The following TARBP1 variants were observed in gnomAD, a reference collection of about 807,000 sequenced individuals.
TARBP1 encodes the protein tRNA guanosine 2 -O-methyltransferase TARBP1, also known as tRNA (guanosine(18)-2'-O)-methyltransferase TARBP1.
Under a neutral mutation model 178.6 loss-of-function variants are expected in TARBP1, and 144 were observed. The ratio of observed to expected loss-of-function variants is 0.81; its 90% CI spans 0.70 to 0.93. The LOEUF is 0.93. TARBP1 is among the 40% of genes least tolerant of loss of function. The pLI is 0.00. For missense variants in TARBP1, 2,067 were observed against 2,011.7 expected (o/e 1.03, Z -0.53); for synonymous variants, 787 against 781.0 (o/e 1.01, Z -0.13).
At chr1:234,467,328 T>C (rs1479829560) in intron 4 of TARBP1, among the ~76,000 whole-genome samples, 174 bp downstream of exon 4, 1 of 152,234 alleles carries the variant, frequency 6.6e-6, no homozygotes, top group Admixed American at 6.5e-5. Context: ...GTTCTACCGT[T>C]GGGCTTGTTG....
intron 20 of TARBP1, among the ~76,000 whole-genome samples, chr1:234,422,455 C>T (rs1029277788): frequency 2.0e-5 from 3 of 152,140 alleles, no homozygotes; most frequent in Non-Finnish European, 4.4e-5. Flanking sequence ...AACTGGAGGT[C>T]ATTATGTTCA....
Position 234,478,344 on chromosome 1 carries a change from C to G in TARBP1, c.760G>C (p.Glu254Gln). ...PGGDRARGAR[E>Q]AGPDARRCWR... Reference sequence around the variant, plus strand: ...CAGCGCCGGGCGTCCGGGCCCGCCTCGCGCGCGCCGCGGGCGCGGTCGCCG... The same window carrying G: ...CAGCGCCGGGCGTCCGGGCCCGCCTGGCGCGCGCCGCGGGCGCGGTCGCCG... The change falls in exon 1 of 30, where the codon GAG becomes CAG. Residue 254 changes from glutamate to glutamine, a missense_variant. By Grantham distance (29) the Glu-to-Gln change is conservative. Transcript: ENST00000040877. 3.1e-6 allele frequency: 4 copies of G among 1,275,472 alleles called. No individual in the cohort carries two copies. The highest frequency in any genetic ancestry group is 2.8e-5 in the South Asian group (1 of 35,530). 79.0% of individuals were successfully genotyped at this position (1,275,472 alleles called of 1,614,324 possible). A position where few individuals can be genotyped will look rare whatever the true frequency, so the allele number is the denominator to read the frequency against.
intron 12 of TARBP1, among the ~76,000 whole-genome samples, chr1:234,440,758 T>C (rs1665508688): frequency 1.3e-5 from 2 of 151,914 alleles, no homozygotes; most frequent in Admixed American, 6.6e-5. Context: ...CAGTTAAAAA[T>C]TGAAATTTTA....
In TARBP1 at chr1:234,429,320, A is replaced by G. The variant is rs772127436; in HGVS notation, c.2876T>C (p.Leu959Pro). 22 of 1,570,906 alleles carry G rather than the reference A, an allele frequency of 1.4e-5. No homozygotes were observed. The highest frequency in any genetic ancestry group is 1.9e-5 in the Non-Finnish European group (22 of 1,166,626). ...HCLKVLVPKL[L>P]TSSESLCIES... ...TATGCAGAGTGATTCAGAGGAAGTC[A>G]GAAGCTGGTAGGAAAAAAAAAAATA... Residue 959 changes from leucine (L) to proline (P), a missense_variant, in exon 17 of 30, where the codon CTG (leucine) becomes CCG (proline). Physicochemically the swap from Leu to Pro is moderately conservative, Grantham distance 98. Coordinates refer to ENST00000040877, the MANE Select transcript of TARBP1 (RefSeq NM_005646.4).
intron 28 of TARBP1, chr1:234,392,778 T>G: frequency 3.7e-6 from 1 of 267,668 alleles, no homozygotes; most frequent in Non-Finnish European, 7.0e-6. Context: ...TGGCGCGATC[T>G]TGGCTCACTG....
chr1:234,460,396 C>T lies in TARBP1; in HGVS notation c.1400G>A (p.Ser467Asn). The change falls in exon 7 of 30, where the codon AGT (serine) becomes AAT (asparagine). Residue 467 changes from serine to asparagine, a missense_variant and splice_region_variant. Physicochemically the swap from Ser to Asn is conservative, Grantham distance 46. Transcript: ENST00000040877. ...YISLLPEEIK[S>N]SFLLKFIRKM... ...CCGAATAAACTTCAATAGGAAGCTACCTGAAAGAAAAAGTTTTAAATTATC... is the reference window on the plus strand; with the variant it reads ...CCGAATAAACTTCAATAGGAAGCTATCTGAAAGAAAAAGTTTTAAATTATC... 3.1e-6 allele frequency: 5 copies of T among 1,613,030 alleles called. 1 individual carries two copies. Among genetic ancestry groups the T allele is most frequent in the East Asian group, 2.2e-5 (1 of 44,840 alleles).
At chr1:234,454,976 T>C (rs538521827) in intron 9 of TARBP1, among the ~76,000 whole-genome samples, 1 of 152,162 alleles carries the variant, frequency 6.6e-6, no homozygotes, top group East Asian at 1.9e-4. Flanking sequence ...AAGAGAAGAA[T>C]GTGATATGAA....
intron 3 of TARBP1, among the ~76,000 whole-genome samples, chr1:234,468,741 A>ATC (rs766341702): frequency 1.3e-5 from 2 of 151,766 alleles, no homozygotes; most frequent in Non-Finnish European, 1.5e-5. Context: ...CCCACTCCAC[A>ATC]CACCAACTCT....
chr1:234,404,049 T>C (rs1485944480), intron 24 of TARBP1, among the ~76,000 whole-genome samples: 3 of 152,204 alleles, frequency 2.0e-5, no homozygotes, highest in African/African-American at 4.8e-5. Flanking sequence ...TAAAGTTATT[T>C]TTTAAAAGTG....
chr1:234,439,299 C>G (rs1665355920), intron 12 of TARBP1, among the ~76,000 whole-genome samples: 1 of 152,104 alleles, frequency 6.6e-6, no homozygotes, highest in Admixed American at 6.5e-5. Context: ...GTCTTGTAGG[C>G]TTTTCAACAA....
At position 234,477,590 on chromosome 1, in the gene TARBP1, CA is replaced by C. The variant is rs1430938886; in HGVS notation, c.931+582del. The stretch of plus-strand genomic sequence containing the variant: ...CTTGCACATAGTAGGGAGCAAAGCT[CA>C]AACAGTTAAAAAATAAAATCTGATT... On this transcript the variant is annotated intron_variant, in intron 1 of 29. Coordinates refer to ENST00000040877, the MANE Select transcript of TARBP1 (RefSeq NM_005646.4). 3.3e-5 allele frequency among the ~76,000 whole-genome samples: 5 copies of C among 152,152 alleles called. No individual in the cohort carries two copies. In the East Asian group the frequency reaches 9.6e-4, roughly 29 times the overall value.
At chr1:234,426,342 A>T (rs376733865) in intron 19 of TARBP1, among the ~76,000 whole-genome samples, 1 of 152,252 alleles carries the variant, frequency 6.6e-6, no homozygotes, top group East Asian at 1.9e-4. Flanking sequence ...ACATTTCATT[A>T]TAATTGTTAT....
In TARBP1 at chr1:234,478,760, TGCGGACGCCCGGCCAG is replaced by T. The variant is rs1669838017; in HGVS notation, c.328_343del (p.Leu110SerfsTer30). 34 of 1,087,636 alleles carry T rather than the reference TGCGGACGCCCGGCCAG, an allele frequency of 3.1e-5. No individual in the cohort carries two copies. Among genetic ancestry groups the T allele is most frequent in the Non-Finnish European group, 3.7e-5 (33 of 900,472 alleles). 67.4% of individuals were successfully genotyped at this position (1,087,636 alleles called of 1,614,324 possible). On this transcript the variant is annotated frameshift_variant, in exon 1 of 30. Coordinates refer to ENST00000040877, the MANE Select transcript of TARBP1 (RefSeq NM_005646.4). LOFTEE classifies it high-confidence loss of function. ...CTCCTCAGCCAGCGCGGCCGCCAGCTGCGGACGCCCGGCCAGGCGGACGCACGAGCGCAGGGCCGCG... is the reference window on the plus strand; with the variant it reads ...CTCCTCAGCCAGCGCGGCCGCCAGCTGCGGACGCACGAGCGCAGGGCCGCG...
At chr1:234,415,196 A>G (rs1662288636) in intron 22 of TARBP1, among the ~76,000 whole-genome samples, 1 of 152,132 alleles carries the variant, frequency 6.6e-6, no homozygotes, top group Admixed American at 6.5e-5. Flanking sequence ...GAGACTGAGG[A>G]TAGAAGACAG....
At position 234,427,658 on chromosome 1, in the gene TARBP1, C is replaced by A; in HGVS notation, c.3169G>T (p.Gly1057Ter). 6.3e-7 allele frequency: 1 copy of A among 1,590,910 alleles called. No individual in the cohort carries two copies. Among genetic ancestry groups the A allele is most frequent in the South Asian group, 1.2e-5 (1 of 86,160 alleles). The change falls in exon 18 of 30, where the codon GGA (glycine) becomes TGA (stop). Residue 1057 changes from glycine to a stop codon, truncating the protein, a stop_gained. Coordinates refer to ENST00000040877, the MANE Select transcript of TARBP1 (RefSeq NM_005646.4). LOFTEE classifies it high-confidence loss of function. The part of the protein sequence containing the change: ...WIVSASNVSQ[G>*]SLSSAKNYSE... ...TAATTTTTAGCACTTGATAAAGATC[C>A]TTGGGACACATTTGAAGCAGACACT...
intron 23 of TARBP1, chr1:234,407,938 G>C (rs1488708943): frequency 6.6e-6 from 1 of 152,098 alleles, no homozygotes; most frequent in East Asian, 1.9e-4. Flanking sequence ...TAGCAACCAA[G>C]ATCTTGGAGC....
Position 234,429,654 on chromosome 1 carries a change from G to A in TARBP1, c.2633C>T (p.Ser878Phe), listed in dbSNP as rs771409720. Residue 878 changes from serine (S) to phenylalanine (F), a missense_variant, in exon 16 of 30, where the codon TCC (serine) becomes TTC (phenylalanine). Physicochemically the swap from Ser to Phe is radical, Grantham distance 155. Transcript: ENST00000040877. ...CSSVLEESSSSQGWGKIVAQY... is the reference protein window; with the variant it reads ...CSSVLEESSSFQGWGKIVAQY... ...TGCAACTATTTTTCCCCATCCTTGG[G>A]AAGATGACGATTCTTCCAAAACACT... 13 of 1,603,218 alleles carry A rather than the reference G, an allele frequency of 8.1e-6. No individual in the cohort carries two copies. Among genetic ancestry groups the A allele is most frequent in the African/African-American group, 1.3e-5 (1 of 74,206 alleles).
intron 3 of TARBP1, among the ~76,000 whole-genome samples, chr1:234,470,110 T>C (rs1288848517): frequency 6.6e-6 from 1 of 151,836 alleles, no homozygotes; most frequent in Non-Finnish European, 1.5e-5. Context: ...CTACTAAAAA[T>C]ACAAAAATTA....
chr1:234,415,600 AC>A lies in TARBP1; in HGVS notation c.3705+2483del, dbSNP rs1284904852. 2.6e-5 allele frequency among the ~76,000 whole-genome samples: 4 copies of A among 152,266 alleles called. No homozygotes were observed. The East Asian group carries it at 7.7e-4, about 29-fold the overall frequency. On this transcript the variant is annotated intron_variant, in intron 22 of 29. Coordinates refer to ENST00000040877, the MANE Select transcript of TARBP1 (RefSeq NM_005646.4). ...GCCTCCTTGCCACTAACAAGAAGGC[AC>A]CTGACCCGGTTCCAAAGACTCCATT... is the stretch of plus-strand genomic sequence containing the variant.
Sources: gnomAD v4.1 joint callset for allele counts (sites outside exome capture counted in the v4.1 genomes callset) on GRCh38, gnomAD v4.1.1 for gene constraint, MANE v1.5 for transcripts, NCBI Gene and HGNC (gene_info 2026-07-23, HGNC 2026-07-21) for gene names.